Variants in NFATC3 observed in about 807,000 individuals in gnomAD.
NFATC3 encodes the protein nuclear factor of activated T-cells, cytoplasmic 3.
Under a neutral mutation model 98.6 loss-of-function variants are expected in NFATC3, and 46 were observed. That is an observed-to-expected ratio of 0.47 (90% CI 0.37 to 0.60). The LOEUF (loss-of-function observed/expected upper bound fraction) is 0.60. Ranked by LOEUF, NFATC3 falls within the 20% of genes least tolerant of loss-of-function variation. The pLI is 0.00. For missense variants in NFATC3, 1,256 were observed against 1,295.5 expected (o/e 0.97, Z 0.47); for synonymous variants, 512 against 472.2 (o/e 1.08, Z -1.09).
rs1208038688 is a variant in NFATC3, at chr16:68,191,562, C to T, written c.2893C>T (p.Pro965Ser). 34 of 1,614,062 alleles carry T rather than the reference C, an allele frequency of 2.1e-5. No individual in the cohort carries two copies. The highest frequency in any genetic ancestry group is 4.0e-5 in the African/African-American group (3 of 74,912). ...PSSGTASSPS[P>S]ATRMHSGQHS... ...CTCAGGAACTGCCTCATCACCGTCTCCAGCCACCAGAATGCATTCTGGACA... is the reference window on the plus strand; with the variant it reads ...CTCAGGAACTGCCTCATCACCGTCTTCAGCCACCAGAATGCATTCTGGACA... The change falls in exon 9 of 10, where the codon CCA becomes TCA. Residue 965 changes from proline (P) to serine (S), a missense_variant. Coordinates refer to ENST00000346183, the MANE Select transcript of NFATC3 (RefSeq NM_173165.3).
chr16:68,174,347 T>C (rs1777996072), intron 5 of NFATC3, 27 bp from the exon 6 acceptor site: 2 of 1,376,102 alleles, frequency 1.5e-6, no homozygotes, highest in Admixed American at 5.6e-5. Flanking sequence ...TTGTTTTTTC[T>C]CAACTCTTTA....
intron 1 of NFATC3, among the ~76,000 whole-genome samples, chr16:68,102,421 A>T (rs148722349): frequency 6.8e-6 from 1 of 147,626 alleles, no homozygotes; most frequent in Non-Finnish European, 1.5e-5. Context: ...CTCCCCTCAC[A>T]CTTAATTTTG....
intron 9 of NFATC3, chr16:68,192,243 A>ATATATGTATGTG (rs2040457635): frequency 8.9e-6 from 1 of 112,680 alleles, no homozygotes; most frequent in South Asian, 2.9e-4. Flanking sequence ...ATATATATAT[A>ATATATGTATGTG]TATATATATA....
At chr16:68,198,652 G>A (rs1185651195) in intron 9 of NFATC3, among the ~76,000 whole-genome samples, 1 of 152,116 alleles carries the variant, frequency 6.6e-6, no homozygotes, top group Non-Finnish European at 1.5e-5. Context: ...TTCATGCCTT[G>A]TAATCCCAGC....
At chr16:68,143,133 G>C (rs76495028) in intron 3 of NFATC3, among the ~76,000 whole-genome samples, 15,550 of 151,088 alleles carry the variant, frequency 0.1, 909 homozygotes, top group South Asian at 0.19. Context: ...CAGCTACTTG[G>C]GAGGATTGCT....
At chr16:68,095,356 T>C (rs1441593908) in intron 1 of NFATC3, among the ~76,000 whole-genome samples, 1 of 144,808 alleles carries the variant, frequency 6.9e-6, no homozygotes, top group Non-Finnish European at 1.5e-5. Context: ...AATTTTTTTT[T>C]TTTTTTTTTT....
chr16:68,228,127 T>C lies in NFATC3; in HGVS notation c.*1656T>C, dbSNP rs1395343725. On this transcript the variant is annotated 3_prime_UTR_variant, in exon 10 of 10. Coordinates refer to ENST00000346183, the MANE Select transcript of NFATC3 (RefSeq NM_173165.3). Reference sequence around the variant, plus strand: ...GCTGTTGACTCAGGATGAGGAAGTATGGTCTTTAAAAAAAACAAAATATAT... The same window carrying C: ...GCTGTTGACTCAGGATGAGGAAGTACGGTCTTTAAAAAAAACAAAATATAT... 6.6e-6 allele frequency: 1 copy of C among 152,188 alleles called. No homozygotes were observed. The highest frequency in any genetic ancestry group is 1.9e-4 in the East Asian group (1 of 5,196). The allele number at this position is 152,188 out of a possible 1,614,324, so 9.4% of individuals were successfully genotyped here. A position where few individuals can be genotyped will look rare whatever the true frequency, so the allele number is the denominator to read the frequency against.
chr16:68,142,164 G>T (rs2037786029), intron 3 of NFATC3, among the ~76,000 whole-genome samples: 1 of 152,064 alleles, frequency 6.6e-6, no homozygotes, highest in Non-Finnish European at 1.5e-5. Flanking sequence ...ATTAATCTTT[G>T]GGTAGTGTGG....
At chr16:68,178,984 C>T (rs1239731446) in intron 6 of NFATC3, among the ~76,000 whole-genome samples, 1 of 152,178 alleles carries the variant, frequency 6.6e-6, no homozygotes, top group Non-Finnish European at 1.5e-5. Context: ...TGCTGCCAGT[C>T]TTTCCAACCC....
chr16:68,214,666 T>G (rs1162998549), intron 9 of NFATC3, among the ~76,000 whole-genome samples: 3 of 152,166 alleles, frequency 2.0e-5, no homozygotes, highest in African/African-American at 7.2e-5. Context: ...AGGGAAGTGT[T>G]TACTTAGATT....
intron 1 of NFATC3, among the ~76,000 whole-genome samples, chr16:68,097,112 G>A (rs2035060060): frequency 6.6e-6 from 1 of 152,208 alleles, no homozygotes; most frequent in African/African-American, 2.4e-5. Flanking sequence ...ATTGAGTAAG[G>A]AAAGGGAAGG....
chr16:68,206,803 C>T (rs1021119084), intron 9 of NFATC3, among the ~76,000 whole-genome samples: 4 of 151,718 alleles, frequency 2.6e-5, no homozygotes, highest in Non-Finnish European at 5.9e-5. Flanking sequence ...GGCAACATGG[C>T]GAGACCCCAT....
At chr16:68,088,358 A>AT in intron 1 of NFATC3, among the ~76,000 whole-genome samples, 1 of 146,580 alleles carries the variant, frequency 6.8e-6, no homozygotes, top group South Asian at 2.1e-4. Flanking sequence ...TTATATATAA[A>AT]ATACATATAT....
chr16:68,158,473 C>T (rs1598466675), intron 4 of NFATC3, among the ~76,000 whole-genome samples: 1 of 152,088 alleles, frequency 6.6e-6, no homozygotes, highest in Non-Finnish European at 1.5e-5. Flanking sequence ...GATGAGGTGG[C>T]CAACTTCTGA....
intron 9 of NFATC3, among the ~76,000 whole-genome samples, chr16:68,216,471 A>G (rs1334371810): frequency 6.6e-6 from 1 of 152,152 alleles, no homozygotes; most frequent in Non-Finnish European, 1.5e-5. Flanking sequence ...TCAGTTAAAA[A>G]CATTTCCTAG....
chr16:68,199,218 T>TA (rs1567546213), intron 9 of NFATC3, among the ~76,000 whole-genome samples: 22 of 149,704 alleles, frequency 1.5e-4, no homozygotes, highest in Admixed American at 7.9e-4. Flanking sequence ...CCTGTTTATT[T>TA]TTTTTTTATT....
At chr16:68,214,971 A>G (rs907636755) in intron 9 of NFATC3, among the ~76,000 whole-genome samples, 3 of 152,208 alleles carry the variant, frequency 2.0e-5, no homozygotes, top group Non-Finnish European at 4.4e-5. Context: ...TTAGGCTTCT[A>G]GACTCAGCAG....
intron 6 of NFATC3, among the ~76,000 whole-genome samples, chr16:68,175,761 C>T (rs927366693): frequency 2.0e-5 from 3 of 151,880 alleles, no homozygotes; most frequent in African/African-American, 7.3e-5. Flanking sequence ...GATTTTGCCA[C>T]CTTGGCTAGG....
Position 68,193,634 on chromosome 16 carries a change from A to C in NFATC3, c.3106+1859A>C, listed in dbSNP as rs545746488. Among the ~76,000 whole-genome samples, 13 of 152,210 alleles carry C rather than the reference A, an allele frequency of 8.5e-5. No homozygotes were observed. The East Asian group carries it at 2.5e-3, about 29-fold the overall frequency. On this transcript the variant is annotated intron_variant, in intron 9 of 9. Transcript: ENST00000346183. Reference sequence around the variant, plus strand: ...CAGTGAGCTGATCGCATACTATTGCACTCCAGCCTGGGTAGCAGGAAAGTG... The same window carrying C: ...CAGTGAGCTGATCGCATACTATTGCCCTCCAGCCTGGGTAGCAGGAAAGTG...
Sources: allele counts gnomAD v4.1 joint callset (sites outside exome capture counted in the v4.1 genomes callset), GRCh38; gene constraint gnomAD v4.1.1; transcripts MANE v1.5; gene names NCBI Gene and HGNC (gene_info 2026-07-23, HGNC 2026-07-21).